The following GUCY2C variants were observed in gnomAD, a reference collection of about 807,000 sequenced individuals.
GUCY2C encodes the protein guanylyl cyclase C.
In GUCY2C, 118 loss-of-function variants were observed where a neutral mutation model predicts 131.1. The observed-to-expected ratio is 0.90, with a 90% CI of 0.78 to 1.05. The LOEUF (loss-of-function observed/expected upper bound fraction) is 1.05, where lower values mean the gene tolerates loss of function less well. Ranked by LOEUF, GUCY2C falls within the 50% of genes least tolerant of loss-of-function variation. The pLI is 0.00. For missense variants in GUCY2C, 1,161 were observed against 1,304.4 expected (o/e 0.89, Z 1.69); for synonymous variants, 452 against 457.8 (o/e 0.99, Z 0.16).
At position 14,618,838 on chromosome 12, in the gene GUCY2C, G is replaced by A. The variant is rs556350563; in HGVS notation, c.2875+373C>T. On this transcript the variant is annotated intron_variant, in intron 24 of 26. Coordinates refer to ENST00000261170, the MANE Select transcript of GUCY2C (RefSeq NM_004963.4). ...ACAAAAAAGCAAAACCAAATAAGAG[G>A]GAAACAGGAATGTGAACCAGAGTGT... is the stretch of plus-strand genomic sequence containing the variant. Among the ~76,000 whole-genome samples the A allele has an allele frequency of 3.3e-5, 5 of 151,962 alleles. No homozygotes were observed. In the South Asian group the frequency reaches 1.0e-3, roughly 32 times the overall value.
At chr12:14,616,610 C>A (rs1312382313) in intron 25 of GUCY2C, 23 bp downstream of exon 25, 27 of 1,295,406 alleles carry the variant, frequency 2.1e-5, no homozygotes, top group Non-Finnish European at 2.9e-5. Flanking sequence ...TTTTCCTATG[C>A]ATTGTCTCTG....
At chr12:14,645,011 TGATA>T (rs1386410535) in intron 16 of GUCY2C, among the ~76,000 whole-genome samples, 1 of 152,092 alleles carries the variant, frequency 6.6e-6, no homozygotes, top group Non-Finnish European at 1.5e-5. Context: ...TAATAATAAC[TGATA>T]GATATATATT....
intron 12 of GUCY2C, among the ~76,000 whole-genome samples, chr12:14,656,173 G>C (rs568159231): frequency 6.6e-6 from 1 of 152,334 alleles, no homozygotes; most frequent in South Asian, 2.1e-4. Flanking sequence ...AGTATGGATA[G>C]ATTAGCATCC....
At position 14,625,762 on chromosome 12, in the gene GUCY2C, A is replaced by G; in HGVS notation, c.2403T>C (p.Leu801=). Residue 801 remains leucine, a synonymous_variant, in exon 21 of 27, where the codon CTT becomes CTC. Transcript: ENST00000261170. ...ATCAGCAAGGCTTGCCTTACCTTGG[A>G]AGCAACATAAAGTTAAGTCTGTCAG... ...DRADRLNFML[L]PRLVVKSLKE... is the part of the protein sequence containing the mutation. 1 of 1,613,830 alleles carries G rather than the reference A, an allele frequency of 6.2e-7. No homozygotes were observed. The highest frequency in any genetic ancestry group is 8.5e-7 in the Non-Finnish European group (1 of 1,179,838).
rs56142849 is a variant in GUCY2C at position 14,696,361 on chromosome 12, A to G, written c.88T>C (p.Cys30Arg). 11 of 1,614,144 alleles carry G rather than the reference A, an allele frequency of 6.8e-6. No homozygotes were observed. The East Asian group carries it at 2.5e-4, about 36-fold the overall frequency. The change falls in exon 1 of 27, where the codon TGC becomes CGC. Residue 30 changes from cysteine to arginine, a missense_variant. Physicochemically the swap from Cys to Arg is radical, Grantham distance 180. Transcript: ENST00000261170. ...LSFSSQVSQN[C>R]HNGSYEISVL... ...CTGATTTCATAGCTGCCATTGTGGC[A>G]GTTCTGACTCACCTGGGAACTAAAG...
chr12:14,613,298 A>C lies in GUCY2C; in HGVS notation c.3048-7T>G, dbSNP rs765969585. On this transcript the variant is annotated splice_polypyrimidine_tract_variant and splice_region_variant and intron_variant, in intron 26 of 26. Transcript: ENST00000261170. This position sits in a 1 kb window ranked among gnomAD's most constrained non-coding sequence, Gnocchi z 4.9. ...CAAACGCTGTTGATTCTCCCTGGAA[A>C]CAGAGTGGGAAGAGAAAATAGAACT... 3.1e-6 allele frequency: 5 copies of C among 1,607,456 alleles called. No homozygotes were observed. In the Admixed American group the frequency reaches 5.0e-5, roughly 16 times the overall value.
At position 14,639,848 on chromosome 12, in the gene GUCY2C, G is replaced by A. The variant is rs2137016591; in HGVS notation, c.2157+14C>T. The A allele has an allele frequency of 6.9e-7, 1 of 1,453,066 alleles. No homozygotes were observed. The highest frequency in any genetic ancestry group is 1.1e-5 in the South Asian group (1 of 87,840). The allele number at this position is 1,453,066 out of a possible 1,614,324, so 90.0% of individuals were successfully genotyped here. On this transcript the variant is annotated intron_variant, in intron 19 of 26. Transcript: ENST00000261170. The stretch of plus-strand genomic sequence containing the variant: ...TAGCAGGCCAAGGAAATGAATACGG[G>A]AAGATATACTCACTTCTAGCTCTTT...
Position 14,639,906 on chromosome 12 carries a change from G to A in GUCY2C, c.2113C>T (p.Arg705Cys), listed in dbSNP as rs771103086. ...VENSNGMKPFRPDLFLETAEE... is the reference protein window; with the variant it reads ...VENSNGMKPFCPDLFLETAEE... ...GCTGTTTCCAAGAATAAATCTGGGCGGAAGGGTTTCATTCCATTGGAATTT... is the reference window on the plus strand; with the variant it reads ...GCTGTTTCCAAGAATAAATCTGGGCAGAAGGGTTTCATTCCATTGGAATTT... Residue 705 changes from arginine to cysteine, a missense_variant, in exon 19 of 27, where the codon CGC becomes TGC. Physicochemically the swap from Arg to Cys is radical, Grantham distance 180. Transcript: ENST00000261170. The A allele has an allele frequency of 9.9e-6, 16 of 1,611,342 alleles. No individual in the cohort carries two copies. Among genetic ancestry groups the A allele is most frequent in the South Asian group, 7.7e-5 (7 of 91,012 alleles).
intron 20 of GUCY2C, among the ~76,000 whole-genome samples, chr12:14,626,860 T>C (rs1201377384): frequency 6.6e-6 from 1 of 152,224 alleles, no homozygotes; most frequent in African/African-American, 2.4e-5. Flanking sequence ...GCTTTCTTAT[T>C]TGTATTTTCT....
At chr12:14,678,445 C>T (rs1230136633) in intron 6 of GUCY2C, among the ~76,000 whole-genome samples, 1 of 152,188 alleles carries the variant, frequency 6.6e-6, no homozygotes, top group Non-Finnish European at 1.5e-5. Flanking sequence ...ACCAACCTGG[C>T]TACAGTAAGG....
chr12:14,645,318 G>T lies in GUCY2C; in HGVS notation c.1711-3C>A. 2.0e-6 allele frequency: 3 copies of T among 1,490,660 alleles called. No individual in the cohort carries two copies. Among genetic ancestry groups the T allele is most frequent in the South Asian group, 2.3e-5 (2 of 87,438 alleles). 92.3% of individuals were successfully genotyped at this position (1,490,660 alleles called of 1,614,324 possible). Reference sequence around the variant, plus strand: ...GAAATTGTGTCATTTAAAACTTCCTGAATAGGAAAAAAGAAGAAGAAGAAA... The same window carrying T: ...GAAATTGTGTCATTTAAAACTTCCTTAATAGGAAAAAAGAAGAAGAAGAAA... On this transcript the variant is annotated splice_region_variant and splice_polypyrimidine_tract_variant and intron_variant, in intron 15 of 26. Transcript: ENST00000261170.
intron 12 of GUCY2C, among the ~76,000 whole-genome samples, chr12:14,654,733 AATG>A: frequency 6.6e-6 from 1 of 152,276 alleles, no homozygotes; most frequent in East Asian, 1.9e-4. Flanking sequence ...GTGCTTGAGG[AATG>A]ACACCAAGGC....
intron 19 of GUCY2C, among the ~76,000 whole-genome samples, chr12:14,630,648 A>G (rs1426212859): frequency 1.3e-5 from 2 of 152,196 alleles, no homozygotes; most frequent in African/African-American, 4.8e-5. Context: ...GCCATTTTAT[A>G]TCAGATCCTT....
At chr12:14,624,080 A>G (rs777661741) in intron 21 of GUCY2C, among the ~76,000 whole-genome samples, 3 of 152,190 alleles carry the variant, frequency 2.0e-5, no homozygotes, top group Non-Finnish European at 4.4e-5. Flanking sequence ...GAGCTTTGAT[A>G]ACAGGTTGTT....
chr12:14,619,033 C>T, intron 24 of GUCY2C, 178 bp downstream of exon 24: 1 of 538,476 alleles, frequency 1.9e-6, no homozygotes, highest in Non-Finnish European at 3.3e-6. Context: ...CAGTAAACAA[C>T]AATGAAAGCA....
Position 14,696,378 on chromosome 12 carries a change from G to T in GUCY2C, c.71C>A (p.Ser24Tyr). 6.2e-7 allele frequency: 1 copy of T among 1,614,076 alleles called. No homozygotes were observed. Among genetic ancestry groups the T allele is most frequent in the Non-Finnish European group, 8.5e-7 (1 of 1,179,988 alleles). ...LFQPGWLSFSSQVSQNCHNGS... is the reference protein window; with the variant it reads ...LFQPGWLSFSYQVSQNCHNGS... ...ATTGTGGCAGTTCTGACTCACCTGGGAACTAAAGGACAGCCACCCGGGCTG... is the reference window on the plus strand; with the variant it reads ...ATTGTGGCAGTTCTGACTCACCTGGTAACTAAAGGACAGCCACCCGGGCTG... Residue 24 changes from serine (S) to tyrosine (Y), a missense_variant, in exon 1 of 27, where the codon TCC becomes TAC. Ser to Tyr is a moderately radical substitution (Grantham distance 144, BLOSUM62 -2). Transcript: ENST00000261170.
At chr12:14,651,357 C>T in intron 15 of GUCY2C, 50 bp downstream of exon 15, 1 of 910,354 alleles carries the variant, frequency 1.1e-6, no homozygotes, top group Non-Finnish European at 1.8e-6. Flanking sequence ...AAAAGGCCTG[C>T]TGAATATTTT....
intron 19 of GUCY2C, among the ~76,000 whole-genome samples, chr12:14,637,450 A>G (rs1166753410): frequency 4.6e-5 from 7 of 152,168 alleles, no homozygotes; most frequent in Admixed American, 4.6e-4. Flanking sequence ...TAAAATCCAT[A>G]CGAAACCAAA....
Position 14,696,328 on chromosome 12 carries a change from T to G in GUCY2C, c.121A>C (p.Met41Leu). Residue 41 changes from methionine (M) to leucine (L), a missense_variant, in exon 1 of 27, where the codon ATG becomes CTG. Physicochemically the swap from Met to Leu is conservative, Grantham distance 15 (BLOSUM62 2). Transcript: ENST00000261170. ...TCTGCAAAGGCTGAGTTGCCCATCATCAGGACGCTGATTTCATAGCTGCCA... is the reference window on the plus strand; with the variant it reads ...TCTGCAAAGGCTGAGTTGCCCATCAGCAGGACGCTGATTTCATAGCTGCCA... Reference protein sequence around the residue: ...HNGSYEISVLMMGNSAFAEPL... With the variant: ...HNGSYEISVLLMGNSAFAEPL... The G allele has an allele frequency of 6.2e-7, 1 of 1,614,146 alleles. No homozygotes were observed. Among genetic ancestry groups the G allele is most frequent in the Non-Finnish European group, 8.5e-7 (1 of 1,180,006 alleles).
Sources: gnomAD v4.1 joint callset for allele counts (sites outside exome capture counted in the v4.1 genomes callset) on GRCh38, gnomAD v4.1.1 for gene constraint, Gnocchi (gnomAD v3.1) non-coding constraint, MANE v1.5 for transcripts, NCBI Gene and HGNC (gene_info 2026-07-23, HGNC 2026-07-21) for gene names.